Variants in SHTN1 observed in about 807,000 individuals in gnomAD.
SHTN1 encodes the protein shootin 1.
In SHTN1, 42 loss-of-function variants were observed where a neutral mutation model predicts 83.1. The ratio of observed to expected loss-of-function variants is 0.51; its 90% confidence interval spans 0.39 to 0.65. SHTN1 has a LOEUF of 0.65. SHTN1 is among the 30% of genes least tolerant of loss of function. SHTN1 has a pLI of 0.00. For missense variants in SHTN1, 622 were observed against 737.8 expected (o/e 0.84, Z 1.82); for synonymous variants, 224 against 247.7 (o/e 0.90, Z 0.90).
chr10:116,979,992 T>C (rs960247120), intron 1 of SHTN1, among the ~76,000 whole-genome samples: 2 of 152,272 alleles, frequency 1.3e-5, no homozygotes, highest in South Asian at 2.1e-4. Context: ...GGGGAAGATA[T>C]GTTAAACTGT....
Position 116,921,480 on chromosome 10 carries a change from G to A in SHTN1, c.1149C>T (p.Pro383=), listed in dbSNP as rs768940920. Reference sequence around the variant, plus strand: ...TTTCTTTCTTAGCACCACTGCCACTGGGGTGGGATCGTTTCCGGATCATGG... The same window carrying A: ...TTTCTTTCTTAGCACCACTGCCACTAGGGTGGGATCGTTTCCGGATCATGG... The part of the protein sequence containing the change: ...LMSMIRKRSH[P]SGSGAKKEKA... The change falls in exon 12 of 17, where the codon CCC becomes CCT. Residue 383 remains proline, a synonymous_variant. Transcript: ENST00000355371. 3.7e-6 allele frequency: 6 copies of A among 1,613,796 alleles called. No individual in the cohort carries two copies. The highest frequency in any genetic ancestry group is 5.1e-6 in the Non-Finnish European group (6 of 1,179,840).
At chr10:116,950,349 T>G (rs535237187) in intron 6 of SHTN1, among the ~76,000 whole-genome samples, 1 of 152,152 alleles carries the variant, frequency 6.6e-6, no homozygotes, top group Admixed American at 6.5e-5. Flanking sequence ...AAAAATTTTT[T>G]TGAGAGACGA....
chr10:117,110,345 G>GTTTTGT (rs1002705640), intron 1 of SHTN1, among the ~76,000 whole-genome samples: 44 of 151,994 alleles, frequency 2.9e-4, no homozygotes, highest in African/African-American at 9.4e-4. Flanking sequence ...GTTTTGTTTT[G>GTTTTGT]TTTTGTTTTT....
chr10:117,092,488 C>G (rs1194752417), intron 1 of SHTN1, among the ~76,000 whole-genome samples: 2 of 152,150 alleles, frequency 1.3e-5, no homozygotes, highest in East Asian at 3.9e-4. Context: ...CAAATGCAGA[C>G]ACGGTATTTA....
At chr10:117,103,698 G>A (rs10886042) in intron 1 of SHTN1, among the ~76,000 whole-genome samples, 29,620 of 151,406 alleles carry the variant, frequency 0.2, 3,184 homozygotes, top group East Asian at 0.43. Flanking sequence ...CACCACGCCC[G>A]GCCAATTTTT....
At chr10:116,983,117 T>C (rs899492859) in intron 1 of SHTN1, among the ~76,000 whole-genome samples, 1 of 152,130 alleles carries the variant, frequency 6.6e-6, no homozygotes, top group Non-Finnish European at 1.5e-5. Flanking sequence ...AAAAAGTACA[T>C]CCTAATGACA....
chr10:117,110,345 G>GT (rs1468665582), intron 1 of SHTN1, among the ~76,000 whole-genome samples: 1 of 151,884 alleles, frequency 6.6e-6, no homozygotes, highest in Non-Finnish European at 1.5e-5. Context: ...GTTTTGTTTT[G>GT]TTTTGTTTTT....
chr10:117,064,795 G>A (rs1385623374), intron 1 of SHTN1, among the ~76,000 whole-genome samples: 2 of 152,058 alleles, frequency 1.3e-5, no homozygotes, highest in Non-Finnish European at 2.9e-5. Flanking sequence ...GATCTAAATT[G>A]AACCTTACTG....
chr10:117,079,184 C>T (rs796731833), intron 1 of SHTN1, among the ~76,000 whole-genome samples: 5 of 138,740 alleles, frequency 3.6e-5, no homozygotes, highest in African/African-American at 5.4e-5. Context: ...ATCCCTCCCC[C>T]CCTCCCCCGA....
intron 1 of SHTN1, among the ~76,000 whole-genome samples, chr10:117,123,254 G>A (rs191459931): frequency 7.2e-5 from 11 of 152,194 alleles, no homozygotes; most frequent in Middle Eastern, 3.4e-3. Flanking sequence ...TGCCTGCCTC[G>A]GCCTCCCAAT....
At chr10:117,016,516 C>G (rs567238918) in intron 2 of SHTN1, among the ~76,000 whole-genome samples, 1 of 152,202 alleles carries the variant, frequency 6.6e-6, no homozygotes, top group Non-Finnish European at 1.5e-5. Flanking sequence ...AAGCGATTTT[C>G]CAGACTCAGC....
chr10:117,064,044 T>G (rs1029226456), intron 1 of SHTN1, among the ~76,000 whole-genome samples: 4 of 152,206 alleles, frequency 2.6e-5, no homozygotes, highest in Non-Finnish European at 4.4e-5. Context: ...AAAACTTCTC[T>G]CTGGTGTGCT....
intron 4 of SHTN1, among the ~76,000 whole-genome samples, chr10:116,959,139 C>T (rs977722047): frequency 6.6e-6 from 1 of 151,984 alleles, no homozygotes; most frequent in Admixed American, 6.6e-5. Flanking sequence ...AGGAATGTGC[C>T]GCAGAGTAAA....
At chr10:117,002,920 ATTTG>A (rs904607855) in intron 1 of SHTN1, among the ~76,000 whole-genome samples, 2 of 152,176 alleles carry the variant, frequency 1.3e-5, no homozygotes, top group Non-Finnish European at 2.9e-5. Flanking sequence ...AATGCCAAGG[ATTTG>A]TTTATTTTCC....
intron 16 of SHTN1, among the ~76,000 whole-genome samples, chr10:116,891,635 AG>A (rs1847345482): frequency 6.6e-6 from 1 of 152,188 alleles, no homozygotes; most frequent in African/African-American, 2.4e-5. Context: ...CCCTTTATAC[AG>A]TTACTGCAGT....
At chr10:116,963,505 G>A (rs1430356129) in intron 3 of SHTN1, among the ~76,000 whole-genome samples, 2 of 152,056 alleles carry the variant, frequency 1.3e-5, no homozygotes, top group Non-Finnish European at 2.9e-5. Context: ...ATGACATGAG[G>A]TTTAAAAAAG....
chr10:116,998,920 A>G (rs188411497), intron 1 of SHTN1, among the ~76,000 whole-genome samples: 355 of 152,310 alleles, frequency 2.3e-3, no homozygotes, highest in African/African-American at 8.3e-3. Context: ...ATATATATAT[A>G]TGTGTAACCA....
Position 117,068,176 on chromosome 10 carries a change from G to C in SHTN1, c.-188-19666C>G, listed in dbSNP as rs560791906. Among the ~76,000 whole-genome samples the C allele has an allele frequency of 9.2e-5, 14 of 152,248 alleles. No homozygotes were observed. In the East Asian group the frequency reaches 2.1e-3, roughly 23 times the overall value. On this transcript the variant is annotated intron_variant, in intron 1 of 17. Coordinates refer to the SHTN1 transcript ENST00000392901. The stretch of plus-strand genomic sequence containing the variant: ...GGAGGCCAAGGCAGGTGGATCACTT[G>C]AGTTCCGAAATTCGAGACCAGCCTG...
chr10:116,914,058 T>C (rs1848295684), intron 13 of SHTN1, among the ~76,000 whole-genome samples: 1 of 152,234 alleles, frequency 6.6e-6, no homozygotes, highest in Admixed American at 6.5e-5. Context: ...TAGATGTAAA[T>C]TTACTCTTGG....
Sources: gnomAD v4.1 joint callset for allele counts (sites outside exome capture counted in the v4.1 genomes callset) on GRCh38, gnomAD v4.1.1 for gene constraint, MANE v1.5 for transcripts, NCBI Gene and HGNC (gene_info 2026-07-23, HGNC 2026-07-21) for gene names.